The following DNAH6 variants were observed in gnomAD, a reference collection of about 807,000 sequenced individuals.
DNAH6 encodes axonemal beta dynein heavy chain 6.
DNAH6 carries 340 observed loss-of-function variants against 491.4 expected under a neutral mutation model. The observed-to-expected ratio is 0.69, with a 90% CI of 0.63 to 0.76. The LOEUF is 0.76. Among genes scored for constraint, DNAH6 ranks in the 30% least tolerant of loss-of-function variants. The pLI is 0.00. For synonymous variants in DNAH6, 1,603 were observed against 1,686.1 expected (o/e 0.95, Z 1.21); for missense variants, 4,443 against 4,972.2 (o/e 0.89, Z 3.20).
chr2:84,502,874 C>T, the DNAH6 span, among the ~76,000 whole-genome samples: 1,119 of 152,102 alleles, frequency 7.4e-3, 15 homozygotes, highest in African/African-American at 0.025. Context: ...TATTTTTCAT[C>T]TATGTGTGTC....
At chr2:84,723,184 T>C (rs1047277309) in intron 60 of DNAH6, among the ~76,000 whole-genome samples, 17 of 152,042 alleles carry the variant, frequency 1.1e-4, no homozygotes, top group Non-Finnish European at 2.4e-4. Flanking sequence ...GCCAAGATCG[T>C]GCCACTGCAC....
chr2:84,755,285 C>G (rs1048183763), intron 63 of DNAH6, among the ~76,000 whole-genome samples: 4 of 152,176 alleles, frequency 2.6e-5, no homozygotes, highest in Non-Finnish European at 5.9e-5. Flanking sequence ...CCCTCTCTTG[C>G]CTTTCTGCCC....
At chr2:84,777,814 A>T in intron 64 of DNAH6, 1 of 1,149,430 alleles carries the variant, frequency 8.7e-7, no homozygotes, top group East Asian at 2.3e-5. Context: ...TCCAAGCCAC[A>T]TAGGTCAAGA....
intron 37 of DNAH6, among the ~76,000 whole-genome samples, chr2:84,666,126 C>G (rs6706453): frequency 0.069 from 10,563 of 152,162 alleles, 1,221 homozygotes; most frequent in African/African-American, 0.24. Context: ...CTATTTATGA[C>G]AAACCCACAG....
rs747357611 is a variant in DNAH6, at chr2:84,547,381, A to T, written c.1044A>T (p.Ala348=). ...ACACCCTGCAGGAATTTAAGGCCGC[A>T]CAAGTCATACGGCTAGCAGAGGTAA... ...HTYTLQEFKA[A]QVIRLAEVTE... The change falls in exon 6 of 77, where the codon GCA becomes GCT. Residue 348 remains alanine (A), a synonymous_variant. Coordinates refer to ENST00000389394, the MANE Select transcript of DNAH6 (RefSeq NM_001370.2). The T allele has an allele frequency of 1.8e-4, 279 of 1,551,656 alleles. No individual in the cohort carries two copies. Among genetic ancestry groups the T allele is most frequent in the Non-Finnish European group, 2.4e-4 (275 of 1,146,960 alleles).
intron 75 of DNAH6, among the ~76,000 whole-genome samples, chr2:84,815,511 GAGAA>G (rs1322065285): frequency 6.6e-6 from 1 of 152,198 alleles, no homozygotes; most frequent in African/African-American, 2.4e-5. Context: ...TTAAAAAAGA[GAGAA>G]AGAACAAAAA....
intron 49 of DNAH6, among the ~76,000 whole-genome samples, chr2:84,702,282 G>A (rs1479280247): frequency 4.6e-5 from 7 of 152,116 alleles, no homozygotes; most frequent in African/African-American, 1.4e-4. Flanking sequence ...TTGGATTGTC[G>A]TGGAATTTAG....
At chr2:84,469,592 C>T in the DNAH6 span, among the ~76,000 whole-genome samples, 4 of 152,220 alleles carry the variant, frequency 2.6e-5, no homozygotes, top group East Asian at 3.9e-4. The surrounding 1 kb of genome is among the most constrained non-coding windows in gnomAD (Gnocchi z 4.0). Flanking sequence ...AGGTGAAGCA[C>T]TTAGGGAGGC....
At chr2:84,706,370 A>G (rs73943387) in intron 52 of DNAH6, among the ~76,000 whole-genome samples, 1,701 of 152,338 alleles carry the variant, frequency 0.011, 33 homozygotes, top group African/African-American at 0.039. Flanking sequence ...TTATTTATTG[A>G]CTCTGGAGTT....
At chr2:84,617,019 G>C in intron 23 of DNAH6, 37 bp downstream of exon 23, 1 of 1,134,250 alleles carries the variant, frequency 8.8e-7, no homozygotes, top group Non-Finnish European at 1.2e-6. Context: ...TTTTTTAGTA[G>C]TTATGACTGT....
the DNAH6 span, among the ~76,000 whole-genome samples, chr2:84,460,574 G>A: frequency 2.6e-5 from 4 of 152,260 alleles, no homozygotes; most frequent in East Asian, 1.9e-4. Flanking sequence ...TTTCCATGAA[G>A]ACGGGGATTT....
In DNAH6 at chr2:84,604,346, T is replaced by C. The variant is rs1685550467; in HGVS notation, c.2876T>C (p.Val959Ala). ...KVEKMKEKLP[V>A]IIDLRNPTLK... ...AGAGTGTTTGTTTTTCAGCTTCCAGTTATCATTGACTTGAGGAACCCGACT... is the reference window on the plus strand; with the variant it reads ...AGAGTGTTTGTTTTTCAGCTTCCAGCTATCATTGACTTGAGGAACCCGACT... The change falls in exon 19 of 77, where the codon GTT (valine) becomes GCT (alanine). Residue 959 changes from valine (V) to alanine (A), a missense_variant. Val to Ala is a moderately conservative substitution (Grantham distance 64). Around this residue, in one of 3 missense-constraint regions of DNAH6, gnomAD observed 2,977 missense variants for 3,296.6 expected, o/e 0.90. Transcript: ENST00000389394. 1 of 1,551,726 alleles carries C rather than the reference T, an allele frequency of 6.4e-7. No homozygotes were observed. Among genetic ancestry groups the C allele is most frequent in the African/African-American group, 1.4e-5 (1 of 73,038 alleles).
At chr2:84,642,576 C>T (rs540120642) in intron 33 of DNAH6, among the ~76,000 whole-genome samples, 1 of 152,142 alleles carries the variant, frequency 6.6e-6, no homozygotes, top group Non-Finnish European at 1.5e-5. Context: ...CTCCAAACTT[C>T]TTAATACCAC....
intron 40 of DNAH6, among the ~76,000 whole-genome samples, chr2:84,673,512 T>A (rs1350850614): frequency 5.3e-5 from 8 of 152,196 alleles, no homozygotes. Context: ...GTCAGGGTTC[T>A]CTAGAGGGAC....
At chr2:84,462,120 C>T in the DNAH6 span, among the ~76,000 whole-genome samples, 1 of 152,196 alleles carries the variant, frequency 6.6e-6, no homozygotes, top group African/African-American at 2.4e-5. Context: ...TCACAATTTG[C>T]CCACAGGAAA....
chr2:84,716,089 A>G (rs1186498351), intron 58 of DNAH6, among the ~76,000 whole-genome samples: 2 of 150,750 alleles, frequency 1.3e-5, no homozygotes, highest in Non-Finnish European at 1.5e-5. Flanking sequence ...ATGTGTGTGT[A>G]TATATATGTA....
At chr2:84,569,418 T>C (rs974088497) in intron 11 of DNAH6, among the ~76,000 whole-genome samples, 1 of 151,924 alleles carries the variant, frequency 6.6e-6, no homozygotes, top group African/African-American at 2.4e-5. Flanking sequence ...GGATGGTGGG[T>C]AAAAAGTGAA....
chr2:84,554,480 T>C (rs1236350291), intron 10 of DNAH6, among the ~76,000 whole-genome samples: 2 of 152,208 alleles, frequency 1.3e-5, no homozygotes, highest in Non-Finnish European at 2.9e-5. Flanking sequence ...TGTTGTTAGC[T>C]GCTGTACTCT....
rs1020721049 is a variant in DNAH6 at position 84,808,143 on chromosome 2, G to A, written c.11612-272G>A. Among the ~76,000 whole-genome samples, 25 of 148,880 alleles carry A rather than the reference G, an allele frequency of 1.7e-4. 1 individual carries two copies. In the Middle Eastern group the frequency reaches 0.01, roughly 61 times the overall value. On this transcript the variant is annotated intron_variant, in intron 71 of 76. Transcript: ENST00000389394. ...AAAGTGTATATATATGTGTGTGTGT[G>A]TGTGTGTGTGTGTGTGTGTGTGTGT...
Sources: gnomAD v4.1 joint callset for allele counts (sites outside exome capture counted in the v4.1 genomes callset) on GRCh38, gnomAD v4.1.1 for gene constraint, gnomAD v4.1.1 regional missense constraint, Gnocchi (gnomAD v3.1) non-coding constraint, MANE v1.5 for transcripts, NCBI Gene and HGNC (gene_info 2026-07-23, HGNC 2026-07-21) for gene names.